INPP5D: variants seen among roughly 807,000 people sequenced by gnomAD.
The protein encoded by INPP5D is inositol polyphosphate-5-phosphatase D, also known as phosphatidylinositol 3,4,5-trisphosphate 5-phosphatase 1.
In INPP5D, 33 loss-of-function variants were observed where a neutral mutation model predicts 122.9. The ratio of observed to expected loss-of-function variants is 0.27; its 90% CI spans 0.20 to 0.36. INPP5D has a LOEUF of 0.36. Among genes scored for constraint, INPP5D ranks in the 10% least tolerant of loss-of-function variants. INPP5D has a pLI of 1.00. For synonymous variants in INPP5D, 584 were observed against 576.2 expected (o/e 1.01, Z -0.19); for missense variants, 1,053 against 1,412.7 (o/e 0.75, Z 4.08).
intron 6 of INPP5D, chr2:233,141,308 T>C (rs1693627225): frequency 6.6e-6 from 1 of 152,212 alleles, no homozygotes; most frequent in Admixed American, 6.5e-5. Flanking sequence ...AGTTCACGCC[T>C]GTAATCCCAG....
chr2:233,135,589 T>C (rs998189178), intron 5 of INPP5D, among the ~76,000 whole-genome samples: 4 of 151,048 alleles, frequency 2.6e-5, no homozygotes, highest in South Asian at 2.1e-4. Flanking sequence ...ACATTTAAAA[T>C]GTTAAATATT....
At chr2:233,088,532 T>G (rs529763028) in intron 2 of INPP5D, among the ~76,000 whole-genome samples, 1 of 152,364 alleles carries the variant, frequency 6.6e-6, no homozygotes, top group African/African-American at 2.4e-5. Context: ...GGAAGCAGTT[T>G]CTTCTCTCAA....
rs182007571 is a variant in INPP5D at position 233,197,913 on chromosome 2, C to T, written c.2694-182C>T. ...GCCTGGGGCCAGGTGCTTACGAGGC[C>T]CTCAGTAATCACGGTGTTGCATGGA... On this transcript the variant is annotated intron_variant, in intron 24 of 26. Coordinates refer to ENST00000445964, the MANE Select transcript of INPP5D (RefSeq NM_001017915.3). The surrounding 1 kb of genome is among the most constrained non-coding windows in gnomAD (Gnocchi z 4.4). 6.6e-6 allele frequency among the ~76,000 whole-genome samples: 1 copy of T among 152,118 alleles called. No individual in the cohort carries two copies. The highest frequency in any genetic ancestry group is 1.5e-5 in the Non-Finnish European group (1 of 68,006).
intron 2 of INPP5D, among the ~76,000 whole-genome samples, chr2:233,084,791 T>C (rs764450750): frequency 6.6e-6 from 1 of 152,224 alleles, no homozygotes; most frequent in Non-Finnish European, 1.5e-5. Flanking sequence ...CATAGAAGCC[T>C]AGCACGGCCA....
chr2:233,169,066 A>G (rs1694419404), intron 13 of INPP5D, among the ~76,000 whole-genome samples: 1 of 152,040 alleles, frequency 6.6e-6, no homozygotes, highest in Admixed American at 6.5e-5. Flanking sequence ...GGAGGATCGC[A>G]GCAGCCACCT....
At chr2:233,099,295 T>C (rs1692238365) in intron 2 of INPP5D, among the ~76,000 whole-genome samples, 1 of 152,198 alleles carries the variant, frequency 6.6e-6, no homozygotes, top group South Asian at 2.1e-4. Flanking sequence ...TTCCCATGGC[T>C]ACACCAGCCC....
At chr2:233,137,852 AAATATATATATATATATATATATATAT>A (rs1693517843) in intron 5 of INPP5D, among the ~76,000 whole-genome samples, 1 of 11,630 alleles carries the variant, frequency 8.6e-5, no homozygotes, top group East Asian at 1.5e-3. Context: ...AAAAAAAAAA[AAATATATATATATATATATATATATAT>A]ATATATATAT....
rs188609640 is a variant in INPP5D, at chr2:233,099,014, C to T, written c.198+19616C>T. Among the ~76,000 whole-genome samples the T allele has an allele frequency of 4.2e-4, 64 of 151,930 alleles. No individual in the cohort carries two copies. The East Asian group carries it at 7.9e-3, about 19-fold the overall frequency. ...TCGTCCAGGCTGGAGGGCAGTGGTG[C>T]GATCTTGGCTCACTGCAACGTCCGC... On this transcript the variant is annotated intron_variant, in intron 2 of 26. Transcript: ENST00000445964.
chr2:233,097,263 T>C (rs1048197311), intron 2 of INPP5D, among the ~76,000 whole-genome samples: 1 of 152,202 alleles, frequency 6.6e-6, no homozygotes. Context: ...TGTGTTTCCT[T>C]ATCTGGCAGA....
chr2:233,158,531 C>A (rs1280647189), intron 10 of INPP5D, 112 bp downstream of exon 10: 1 of 546,418 alleles, frequency 1.8e-6, no homozygotes, highest in Admixed American at 3.4e-5. Flanking sequence ...GTTCCCAGAA[C>A]AACCCATTTC....
intron 19 of INPP5D, 131 bp downstream of exon 19, chr2:233,182,630 G>T: frequency 7.2e-7 from 1 of 1,396,292 alleles, no homozygotes; most frequent in South Asian, 1.3e-5. Flanking sequence ...CACAATATCA[G>T]TCAGTTTCTT....
At chr2:233,131,850 G>C (rs926912049) in intron 5 of INPP5D, among the ~76,000 whole-genome samples, 2 of 152,188 alleles carry the variant, frequency 1.3e-5, no homozygotes, top group African/African-American at 2.4e-5. Flanking sequence ...TTCTGGGGCT[G>C]TTTCAATCTT....
chr2:233,074,400 T>G (rs555168675), intron 1 of INPP5D, among the ~76,000 whole-genome samples: 5 of 152,302 alleles, frequency 3.3e-5, no homozygotes, highest in Admixed American at 2.0e-4. Flanking sequence ...CAGCCTCACC[T>G]CCATCTCTCA....
chr2:233,121,609 A>G (rs1692981968), intron 2 of INPP5D, among the ~76,000 whole-genome samples: 1 of 151,768 alleles, frequency 6.6e-6, no homozygotes, highest in Non-Finnish European at 1.5e-5. Context: ...TCTGCCTCCC[A>G]GGTTCAAGTG....
At chr2:233,155,476 G>C (rs1293327607) in intron 9 of INPP5D, among the ~76,000 whole-genome samples, 1 of 151,972 alleles carries the variant, frequency 6.6e-6, no homozygotes, top group Non-Finnish European at 1.5e-5. Context: ...TACAAAATTA[G>C]ATGGGCATGG....
intron 1 of INPP5D, among the ~76,000 whole-genome samples, chr2:233,074,906 G>A (rs980550888): frequency 2.6e-5 from 4 of 152,208 alleles, no homozygotes; most frequent in African/African-American, 4.8e-5. Context: ...GGCTGTCAGT[G>A]TTCATTTGGC....
At chr2:233,154,251 C>T (rs776345735) in intron 9 of INPP5D, among the ~76,000 whole-genome samples, 5 of 152,194 alleles carry the variant, frequency 3.3e-5, no homozygotes, top group African/African-American at 7.2e-5. Flanking sequence ...TGGGTTCAGG[C>T]GATTCTCGTG....
At chr2:233,169,739 A>C (rs1308329176) in intron 14 of INPP5D, 1 of 588,498 alleles carries the variant, frequency 1.7e-6, no homozygotes, top group East Asian at 3.0e-5. Context: ...AGGAATGAAG[A>C]CAGCCATCTA....
At chr2:233,180,516 G>T (rs1694756862) in intron 18 of INPP5D, among the ~76,000 whole-genome samples, 1 of 152,010 alleles carries the variant, frequency 6.6e-6, no homozygotes, top group Admixed American at 6.6e-5. Context: ...ATTTCTTCTT[G>T]CCTGTGTCCA....
Sources: gnomAD v4.1 joint callset for allele counts (sites outside exome capture counted in the v4.1 genomes callset) on GRCh38, gnomAD v4.1.1 for gene constraint, Gnocchi (gnomAD v3.1) non-coding constraint, MANE v1.5 for transcripts, NCBI Gene and HGNC (gene_info 2026-07-23, HGNC 2026-07-21) for gene names.